LRSAM1: variants seen among roughly 807,000 people sequenced by gnomAD.
The protein encoded by LRSAM1 is leucine rich repeat and sterile alpha motif containing 1.
A neutral mutation model predicts 118.1 loss-of-function variants in LRSAM1; 96 were observed. The ratio of observed to expected loss-of-function variants is 0.81; its 90% CI spans 0.69 to 0.96. The LOEUF is 0.96. LRSAM1 is among the 40% of genes least tolerant of loss of function. The pLI is 0.00. For synonymous variants in LRSAM1, 322 were observed against 364.2 expected (o/e 0.88, Z 1.32); for missense variants, 804 against 915.5 (o/e 0.88, Z 1.57).
chr9:127,474,849 C>T (rs1470112147), intron 11 of LRSAM1, among the ~76,000 whole-genome samples: 1 of 152,136 alleles, frequency 6.6e-6, no homozygotes, highest in Non-Finnish European at 1.5e-5. Context: ...CCACATTAGC[C>T]TGCGTGCCCC....
chr9:127,481,255 ATTT>A (rs371152397), intron 15 of LRSAM1, 28 bp downstream of exon 15: 700 of 1,480,268 alleles, frequency 4.7e-4, no homozygotes, highest in Admixed American at 5.9e-4. Context: ...GGAGGGCAGC[ATTT>A]TTTTTTTTTT....
chr9:127,500,151 A>C (rs926071883), intron 24 of LRSAM1, among the ~76,000 whole-genome samples: 1 of 50,842 alleles, frequency 2.0e-5, no homozygotes. Context: ...ACCTGAAGTC[A>C]AAAGCTTGAG....
chr9:127,467,058 C>T lies in LRSAM1; in HGVS notation c.529-682C>T, dbSNP rs181866644. ...CCAAGCGAGTTATAGAGAAACACCA[C>T]ACTTTGAGACAAATTGAGGAGTCCT... is the stretch of plus-strand genomic sequence containing the variant. On this transcript the variant is annotated intron_variant, in intron 9 of 25. Coordinates refer to ENST00000300417, the MANE Select transcript of LRSAM1 (RefSeq NM_001005373.4). 2.0e-4 allele frequency among the ~76,000 whole-genome samples: 31 copies of T among 152,240 alleles called. No individual in the cohort carries two copies. The East Asian group carries it at 3.9e-3, about 19-fold the overall frequency.
intron 21 of LRSAM1, among the ~76,000 whole-genome samples, chr9:127,493,106 G>T (rs559310196): frequency 6.6e-6 from 1 of 152,330 alleles, no homozygotes; most frequent in East Asian, 1.9e-4. Flanking sequence ...CTGTCGCCCA[G>T]GCTGGAGTGC....
chr9:127,503,065 GC>G lies in LRSAM1; in HGVS notation c.*168del. Reference sequence around the variant, plus strand: ...CATCCTAAGCTCCAAGCATGTCTGGGCCAGGCAGAGGTGCTCCTCATCCATG... The same window carrying G: ...CATCCTAAGCTCCAAGCATGTCTGGGCAGGCAGAGGTGCTCCTCATCCATG... On this transcript the variant is annotated 3_prime_UTR_variant, in exon 26 of 26. Coordinates refer to ENST00000300417, the MANE Select transcript of LRSAM1 (RefSeq NM_001005373.4). 1.1e-6 allele frequency: 1 copy of G among 917,216 alleles called. No individual in the cohort carries two copies. Among genetic ancestry groups the G allele is most frequent in the Non-Finnish European group, 1.7e-6 (1 of 602,236 alleles). The allele number at this position is 917,216 out of a possible 1,614,324, so 56.8% of individuals were successfully genotyped here.
intron 10 of LRSAM1, among the ~76,000 whole-genome samples, chr9:127,470,711 C>T (rs1274713228): frequency 6.6e-6 from 1 of 152,078 alleles, no homozygotes; most frequent in Non-Finnish European, 1.5e-5. Flanking sequence ...CTCCTTTCAA[C>T]AACCTGGATG....
intron 11 of LRSAM1, among the ~76,000 whole-genome samples, chr9:127,477,204 C>T (rs1835374820): frequency 6.6e-6 from 1 of 151,972 alleles, no homozygotes; most frequent in African/African-American, 2.4e-5. Context: ...TTACACCTGA[C>T]AGGAGGTGTG....
chr9:127,487,044 C>T (rs938848727), intron 17 of LRSAM1, among the ~76,000 whole-genome samples: 4 of 151,962 alleles, frequency 2.6e-5, no homozygotes, highest in Non-Finnish European at 2.9e-5. Context: ...ATTAGCCAAA[C>T]GTAGCAGTGG....
chr9:127,493,289 C>T (rs2249290), intron 21 of LRSAM1, among the ~76,000 whole-genome samples: 65,137 of 151,898 alleles, frequency 0.43, 14,815 homozygotes, highest in Non-Finnish European at 0.49. Context: ...CTCCAACTCC[C>T]GGGCTCAAAC....
Position 127,461,280 on chromosome 9 carries a change from C to T in LRSAM1, c.406+23C>T, listed in dbSNP as rs117197911. 3,368 of 1,601,518 alleles carry T rather than the reference C, an allele frequency of 2.1e-3. 43 individuals carry two copies. The East Asian group carries it at 0.041, about 20-fold the overall frequency. On this transcript the variant is annotated intron_variant, in intron 8 of 25. Transcript: ENST00000300417. ...AAGGTAGGGACCAAGAAGCCGTGTCCGTGTGACCCTCCATCAGCTCTGGGC... is the reference window on the plus strand; with the variant it reads ...AAGGTAGGGACCAAGAAGCCGTGTCTGTGTGACCCTCCATCAGCTCTGGGC...
intron 4 of LRSAM1, 117 bp from the exon 5 acceptor site, chr9:127,455,459 G>A: frequency 1.9e-6 from 2 of 1,030,150 alleles, no homozygotes; most frequent in Non-Finnish European, 3.1e-6. Flanking sequence ...GCCACCTGCT[G>A]TGGCGTTTTG....
rs1835593979 is a variant in LRSAM1, at chr9:127,482,973, C to T, written c.1112C>T (p.Ser371Phe). The T allele has an allele frequency of 6.4e-7, 1 of 1,568,892 alleles. No homozygotes were observed. The highest frequency in any genetic ancestry group is 1.4e-5 in the African/African-American group (1 of 74,018). Residue 371 changes from serine (S) to phenylalanine (F), a missense_variant, in exon 16 of 26, where the codon TCC (serine) becomes TTC (phenylalanine). By Grantham distance (155) the Ser-to-Phe change is radical. Coordinates refer to ENST00000300417, the MANE Select transcript of LRSAM1 (RefSeq NM_001005373.4). Reference protein sequence around the residue: ...NERIRMEQLMSITQEETESLR... With the variant: ...NERIRMEQLMFITQEETESLR... ...AGAATAAGAATGGAACAGTTGATGT[C>T]CATAACCCAGGAGGAGACTGAGAGC...
chr9:127,495,271 G>A, intron 21 of LRSAM1, 49 bp from the exon 22 acceptor site: 1 of 1,568,326 alleles, frequency 6.4e-7, no homozygotes, highest in Non-Finnish European at 8.8e-7. Flanking sequence ...TGTTATTACA[G>A]GTTTTATTAC....
chr9:127,492,945 CT>C, intron 21 of LRSAM1, 48 bp downstream of exon 21: 2 of 1,504,262 alleles, frequency 1.3e-6, no homozygotes, highest in Non-Finnish European at 1.8e-6. Context: ...ATTTGCTTTT[CT>C]TTAACAGACT....
In LRSAM1 at chr9:127,465,868, G is replaced by C. The variant is rs1834905226; in HGVS notation, c.529-1872G>C. On this transcript the variant is annotated intron_variant, in intron 9 of 25. Coordinates refer to ENST00000300417, the MANE Select transcript of LRSAM1 (RefSeq NM_001005373.4). This position sits in a 1 kb window ranked among gnomAD's most constrained non-coding sequence, Gnocchi z 4.1. ...TCCAACACAACTCACACCGTGGATG[G>C]GGCAGTTCTGTGGCTGTGAGCTGAG... Among the ~76,000 whole-genome samples the C allele has an allele frequency of 6.6e-6, 1 of 152,150 alleles. No homozygotes were observed. The highest frequency in any genetic ancestry group is 1.5e-5 in the Non-Finnish European group (1 of 68,020).
At chr9:127,498,037 G>A (rs748259640) in intron 24 of LRSAM1, among the ~76,000 whole-genome samples, 4 of 152,254 alleles carry the variant, frequency 2.6e-5, no homozygotes, top group Non-Finnish European at 5.9e-5. Flanking sequence ...AAGAGGTGAG[G>A]GGCCAGAGCA....
intron 5 of LRSAM1, 126 bp from the exon 6 acceptor site, chr9:127,457,190 C>T (rs552743555): frequency 1.2e-4 from 109 of 941,024 alleles, no homozygotes; most frequent in African/African-American, 8.7e-4. Context: ...CCCGCATCCC[C>T]GTGGTGGTGT....
rs746202048 is a variant in LRSAM1 at position 127,492,870 on chromosome 9, G to A, written c.1572G>A (p.Gln524=). The A allele has an allele frequency of 4.3e-6, 7 of 1,613,960 alleles. No homozygotes were observed. The highest frequency in any genetic ancestry group is 2.2e-5 in the East Asian group (1 of 44,904). Residue 524 remains glutamine (Q), a synonymous_variant, in exon 21 of 26, where the codon CAG becomes CAA. Transcript: ENST00000300417. ...LLQQLLKEKQ[Q]REEELREILT... ...AGCAGCTGCTCAAAGAGAAGCAGCAGCGAGAGGAAGAGCTCCGGGAAATCC... is the reference window on the plus strand; with the variant it reads ...AGCAGCTGCTCAAAGAGAAGCAGCAACGAGAGGAAGAGCTCCGGGAAATCC...
chr9:127,466,504 A>ATATATT (rs1554755061), intron 9 of LRSAM1, among the ~76,000 whole-genome samples: 7 of 24,524 alleles, frequency 2.9e-4, no homozygotes, highest in South Asian at 1.6e-3. Context: ...ATATATATAT[A>ATATATT]TTTTTTTTTT....
Sources: gnomAD v4.1 joint callset for allele counts (sites outside exome capture counted in the v4.1 genomes callset) on GRCh38, gnomAD v4.1.1 for gene constraint, Gnocchi (gnomAD v3.1) non-coding constraint, MANE v1.5 for transcripts, NCBI Gene and HGNC (gene_info 2026-07-23, HGNC 2026-07-21) for gene names.